Variants in IHO1 observed in about 807,000 individuals in gnomAD.
IHO1 encodes the protein interactor of HORMAD1 1, also known as interactor of HORMAD1 protein 1.
Under a neutral mutation model 31.0 loss-of-function variants are expected in IHO1, and 13 were observed. The observed-to-expected ratio is 0.42, with a 90% CI of 0.27 to 0.67. IHO1 has a LOEUF of 0.67. Among genes scored for constraint, IHO1 ranks in the 30% least tolerant of loss-of-function variants. The pLI is 0.24. For missense variants in IHO1, 599 were observed against 687.5 expected, an observed-to-expected ratio of 0.87 and a Z score of 1.44; for synonymous variants, 221 against 248.4, an observed-to-expected ratio of 0.89 and a Z score of 1.04.
intron 6 of IHO1, among the ~76,000 whole-genome samples, chr3:49,253,980 C>T (rs2046794293): frequency 1.3e-5 from 2 of 151,810 alleles, no homozygotes; most frequent in Non-Finnish European, 2.9e-5. Context: ...ACTACAGGCA[C>T]CCGCCGCCAC....
At chr3:49,226,373 G>A (rs937610613) in intron 2 of IHO1, among the ~76,000 whole-genome samples, 3 of 152,210 alleles carry the variant, frequency 2.0e-5, no homozygotes, top group African/African-American at 4.8e-5. Context: ...CCTCGAGTGA[G>A]TCAGGTGACA....
At chr3:49,228,911 C>A (rs2046448646) in intron 2 of IHO1, among the ~76,000 whole-genome samples, 1 of 152,172 alleles carries the variant, frequency 6.6e-6, no homozygotes, top group Non-Finnish European at 1.5e-5. Flanking sequence ...TTGGCCCTAC[C>A]CACATCCTGC....
chr3:49,191,672 C>T, the IHO1 span: 10 of 1,513,022 alleles, frequency 6.6e-6, no homozygotes, highest in East Asian at 2.2e-5. Context: ...TTCACTTCAC[C>T]GGCATGACTC....
intron 6 of IHO1, among the ~76,000 whole-genome samples, chr3:49,246,422 A>G (rs1451693829): frequency 6.6e-6 from 1 of 152,030 alleles, no homozygotes; most frequent in Non-Finnish European, 1.5e-5. Context: ...AGGCGGGAGG[A>G]TCACTTGAGG....
In IHO1 at chr3:49,236,731, G is replaced by C. The variant is rs752072573; in HGVS notation, c.231+9G>C. Reference sequence around the variant, plus strand: ...AACAGAACTATCTGGAGGTGAGTCTGGTTTCCAGAATTGATCTGCACACAT... The same window carrying C: ...AACAGAACTATCTGGAGGTGAGTCTCGTTTCCAGAATTGATCTGCACACAT... On this transcript the variant is annotated intron_variant, in intron 3 of 7. Coordinates refer to ENST00000452691, the MANE Select transcript of IHO1 (RefSeq NM_001135197.2). 5 of 1,606,090 alleles carry C rather than the reference G, an allele frequency of 3.1e-6. No homozygotes were observed. Among genetic ancestry groups the C allele is most frequent in the South Asian group, 2.2e-5 (2 of 90,156 alleles).
intron 2 of IHO1, among the ~76,000 whole-genome samples, chr3:49,222,218 ATTAG>A (rs770426364): frequency 7.9e-5 from 12 of 152,198 alleles, no homozygotes; most frequent in Non-Finnish European, 1.5e-4. Context: ...AAGTAGGGGT[ATTAG>A]TTGTATGGCT....
upstream of IHO1, among the ~76,000 whole-genome samples, chr3:49,199,304 G>A (rs531019413): frequency 6.6e-6 from 1 of 152,358 alleles, no homozygotes; most frequent in Non-Finnish European, 1.5e-5. Flanking sequence ...GCTGCCTGTC[G>A]CGGCGAGGGC....
At chr3:49,244,507 A>G in intron 5 of IHO1, 55 bp downstream of exon 5, 1 of 1,334,488 alleles carries the variant, frequency 7.5e-7, no homozygotes, top group Non-Finnish European at 1.1e-6. Flanking sequence ...AAGAAGTTTA[A>G]TATTTATATT....
intron 2 of IHO1, among the ~76,000 whole-genome samples, chr3:49,218,194 T>C (rs1340545290): frequency 6.6e-6 from 1 of 151,744 alleles, no homozygotes; most frequent in Non-Finnish European, 1.5e-5. Context: ...ACTCTTTCTC[T>C]GGGCACAAGC....
chr3:49,255,537 T>C (rs758136271), intron 7 of IHO1, 44 bp downstream of exon 7: 1 of 1,307,166 alleles, frequency 7.7e-7, no homozygotes, highest in Non-Finnish European at 1.1e-6. Flanking sequence ...TTTTGGGCTT[T>C]GAACTAGACC....
chr3:49,242,204 A>G lies in IHO1; in HGVS notation c.395+815A>G, dbSNP rs375103817. Among the ~76,000 whole-genome samples the G allele has an allele frequency of 1.2e-4, 18 of 152,230 alleles. No individual in the cohort carries two copies. The East Asian group carries it at 2.5e-3, about 21-fold the overall frequency. ...GTGATCTGCCCACTTCGGCCTCCCA[A>G]AGTGCTGGCATTACAAGCATGAGCC... On this transcript the variant is annotated intron_variant, in intron 4 of 7. Coordinates refer to ENST00000452691, the MANE Select transcript of IHO1 (RefSeq NM_001135197.2).
chr3:49,257,129 C>T lies in IHO1; in HGVS notation c.1632C>T (p.Asn544=). 6.2e-7 allele frequency: 1 copy of T among 1,614,180 alleles called. No homozygotes were observed. Among genetic ancestry groups the T allele is most frequent in the Admixed American group, 1.7e-5 (1 of 60,016 alleles). The change falls in exon 8 of 8, where the codon AAC becomes AAT. Residue 544 remains asparagine (N), a synonymous_variant. Coordinates refer to ENST00000452691, the MANE Select transcript of IHO1 (RefSeq NM_001135197.2). ...LQLSRCSSQD[N]WLLSSSSQGD... ...TCAGCAGGTGCTCTTCCCAAGACAA[C>T]TGGCTACTTTCCAGCAGTTCCCAGG...
At chr3:49,239,156 G>C (rs946911708) in intron 3 of IHO1, among the ~76,000 whole-genome samples, 3 of 150,624 alleles carry the variant, frequency 2.0e-5, no homozygotes, top group Admixed American at 6.6e-5. Context: ...ATTTTTAGTA[G>C]AGACAGGGTT....
upstream of IHO1, among the ~76,000 whole-genome samples, chr3:49,197,842 C>G (rs1223263505): frequency 6.6e-6 from 1 of 151,370 alleles, no homozygotes; most frequent in Non-Finnish European, 1.5e-5. Flanking sequence ...CCATTGCACT[C>G]CAGCCTGGGT....
intron 2 of IHO1, among the ~76,000 whole-genome samples, chr3:49,232,661 A>T (rs1222412737): frequency 6.6e-6 from 1 of 152,222 alleles, no homozygotes; most frequent in African/African-American, 2.4e-5. Context: ...CAACTGTCAC[A>T]AGCAACACCC....
chr3:49,202,203 A>C (rs886431975), intron 1 of IHO1, among the ~76,000 whole-genome samples: 1 of 152,134 alleles, frequency 6.6e-6, no homozygotes, highest in East Asian at 1.9e-4. Context: ...GTAGTGTTAC[A>C]TTAGAATGAT....
intron 2 of IHO1, among the ~76,000 whole-genome samples, chr3:49,222,206 A>G (rs1440437120): frequency 1.3e-5 from 2 of 152,196 alleles, no homozygotes; most frequent in Non-Finnish European, 2.9e-5. Flanking sequence ...TCCTAACCCT[A>G]TAAGTAGGGG....
chr3:49,255,002 G>A (rs1250411151), intron 6 of IHO1, among the ~76,000 whole-genome samples: 2 of 151,846 alleles, frequency 1.3e-5, no homozygotes, highest in African/African-American at 4.8e-5. Context: ...GGGGGAAGTT[G>A]CAGTGAACCA....
upstream of IHO1, among the ~76,000 whole-genome samples, chr3:49,196,753 C>T (rs2045999398): frequency 6.6e-6 from 1 of 151,342 alleles, no homozygotes; most frequent in South Asian, 2.1e-4. Context: ...TCACTGCAAC[C>T]TCTGCCTCCT....
Sources: gnomAD v4.1 joint callset for allele counts (sites outside exome capture counted in the v4.1 genomes callset) on GRCh38, gnomAD v4.1.1 for gene constraint, MANE v1.5 for transcripts, NCBI Gene and HGNC (gene_info 2026-07-23, HGNC 2026-07-21) for gene names.